The following NAA11 variants were observed in gnomAD, a reference collection of about 807,000 sequenced individuals.
The protein encoded by NAA11 is N-alpha-acetyltransferase 11.
A neutral mutation model predicts 16.1 loss-of-function variants in NAA11; 15 were observed. The ratio of observed to expected loss-of-function variants is 0.93; its 90% CI spans 0.62 to 1.44. The LOEUF (loss-of-function observed/expected upper bound fraction) is 1.44. NAA11 is among the 40% of genes most tolerant of loss of function. The pLI is 0.00. For missense variants in NAA11, 298 were observed against 291.3 expected (o/e 1.02, Z -0.17); for synonymous variants, 122 against 112.4 (o/e 1.09, Z -0.54).
At chr4:79,323,144 CTATT>C (rs1001465208) in intron 1 of NAA11, among the ~76,000 whole-genome samples, 1 of 152,062 alleles carries the variant, frequency 6.6e-6, no homozygotes, top group African/African-American at 2.4e-5. Flanking sequence ...ACAGAATACA[CTATT>C]TATGACTAGA....
chr4:79,270,353 C>T (rs1560437984), intron 2 of NAA11, among the ~76,000 whole-genome samples: 1 of 151,860 alleles, frequency 6.6e-6, no homozygotes, highest in Non-Finnish European at 1.5e-5. Flanking sequence ...CTTAATAGAC[C>T]AATAACAGGA....
chr4:79,210,757 C>A, the NAA11 span, among the ~76,000 whole-genome samples: 1 of 151,452 alleles, frequency 6.6e-6, no homozygotes, highest in African/African-American at 2.4e-5. Flanking sequence ...GACTCCGTCT[C>A]AAAAAAAGAA....
intron 1 of NAA11, among the ~76,000 whole-genome samples, chr4:79,302,727 ATTGT>A (rs1237769616): frequency 6.6e-6 from 1 of 152,154 alleles, no homozygotes; most frequent in African/African-American, 2.4e-5. Context: ...TAAAGAAGAA[ATTGT>A]TTGCTTGCCA....
At chr4:79,311,536 G>A (rs752797315) in intron 1 of NAA11, among the ~76,000 whole-genome samples, 2 of 152,022 alleles carry the variant, frequency 1.3e-5, no homozygotes, top group African/African-American at 2.4e-5. Flanking sequence ...ATTTCATGGC[G>A]CTCCTATTAG....
the NAA11 span, among the ~76,000 whole-genome samples, chr4:79,159,459 A>G: frequency 6.6e-6 from 1 of 152,220 alleles, no homozygotes; most frequent in Admixed American, 6.5e-5. Flanking sequence ...ATGCAGTGAA[A>G]AAGGACATTT....
At chr4:79,259,148 C>T (rs1281247720) in intron 2 of NAA11, 1 of 152,962 alleles carries the variant, frequency 6.5e-6, no homozygotes, top group Admixed American at 6.5e-5. Flanking sequence ...GTATGCAGGA[C>T]AAGAACTCAG....
chr4:79,274,114 C>T (rs1201899871), intron 2 of NAA11, among the ~76,000 whole-genome samples: 1 of 152,036 alleles, frequency 6.6e-6, no homozygotes, highest in Non-Finnish European at 1.5e-5. Context: ...GTCTGGAGCT[C>T]TTGTGAATTA....
At chr4:79,233,415 A>AT (rs562743063) in intron 2 of NAA11, among the ~76,000 whole-genome samples, 1 of 151,762 alleles carries the variant, frequency 6.6e-6, no homozygotes, top group African/African-American at 2.4e-5. Context: ...TATTTTACTC[A>AT]TTTTTTTAAA....
intron 2 of NAA11, among the ~76,000 whole-genome samples, chr4:79,290,891 T>G (rs1161794183): frequency 6.6e-6 from 1 of 152,222 alleles, no homozygotes; most frequent in Non-Finnish European, 1.5e-5. Flanking sequence ...TTCTTTTCTC[T>G]GAATGTAAAT....
intron 2 of NAA11, among the ~76,000 whole-genome samples, chr4:79,240,138 C>G (rs541558927): frequency 2.6e-5 from 4 of 152,198 alleles, no homozygotes; most frequent in African/African-American, 9.7e-5. Context: ...CTTCTGCCAG[C>G]ATTGAACTCA....
the NAA11 span, among the ~76,000 whole-genome samples, chr4:79,162,810 T>G: frequency 6.6e-6 from 1 of 152,204 alleles, no homozygotes; most frequent in Non-Finnish European, 1.5e-5. Context: ...GCTGGAATAC[T>G]GTAAAATGTA....
the NAA11 span, among the ~76,000 whole-genome samples, chr4:79,180,024 TG>T: frequency 1.3e-5 from 2 of 152,116 alleles, no homozygotes; most frequent in African/African-American, 4.8e-5. Context: ...GAAAACAGCA[TG>T]GGGGAAACTG....
At chr4:79,249,301 A>T (rs1239604422) in intron 2 of NAA11, among the ~76,000 whole-genome samples, 1 of 152,266 alleles carries the variant, frequency 6.6e-6, no homozygotes, top group African/African-American at 2.4e-5. Context: ...AATTCAGAAT[A>T]TGGATAGGAA....
At chr4:79,257,064 A>G (rs1294948556) in intron 2 of NAA11, among the ~76,000 whole-genome samples, 1 of 152,144 alleles carries the variant, frequency 6.6e-6, no homozygotes. Flanking sequence ...CATGTAATCA[A>G]TGTAAAGTTG....
At chr4:79,219,244 A>C in the NAA11 span, among the ~76,000 whole-genome samples, 635 of 152,244 alleles carry the variant, frequency 4.2e-3, 3 homozygotes, top group Non-Finnish European at 6.6e-3. Flanking sequence ...ATGAGGGTTA[A>C]ATGAAGAGTA....
At chr4:79,186,674 G>T in the NAA11 span, among the ~76,000 whole-genome samples, 13 of 152,136 alleles carry the variant, frequency 8.5e-5, no homozygotes, top group East Asian at 2.5e-3. Flanking sequence ...AGACACTAAT[G>T]ATAAGAAAGA....
At chr4:79,246,342 TCTC>T (rs1304464960) in intron 2 of NAA11, among the ~76,000 whole-genome samples, 1 of 116,956 alleles carries the variant, frequency 8.6e-6, no homozygotes, top group African/African-American at 3.4e-5. Flanking sequence ...CAAATCCCTC[TCTC>T]CGAGAAACAC....
At position 79,271,402 on chromosome 4, in the gene NAA11, A is replaced by ATTTC. The variant is rs1400474442; in HGVS notation, c.*122+22602_*122+22603insGAAA. Among the ~76,000 whole-genome samples the ATTTC allele has an allele frequency of 1.4e-3, 214 of 151,860 alleles. 2 individuals carry two copies. The highest frequency in any genetic ancestry group is 3.8e-3 in the Admixed American group (58 of 15,226). On this transcript the variant is annotated intron_variant and NMD_transcript_variant, in intron 2 of 2. Transcript: ENST00000511542. ...AGAGGATACAAACAAATGGAAGAAC[A>ATTTC]TTCCATGCTCATGGGTAGGAAGAAT... is the stretch of plus-strand genomic sequence containing the variant.
At chr4:79,287,116 T>C (rs989837118) in intron 2 of NAA11, among the ~76,000 whole-genome samples, 14 of 152,144 alleles carry the variant, frequency 9.2e-5, no homozygotes, top group Non-Finnish European at 1.8e-4. Context: ...TGTTAGTGAA[T>C]TCAATATAAT....
Sources: gnomAD v4.1 joint callset for allele counts (sites outside exome capture counted in the v4.1 genomes callset) on GRCh38, gnomAD v4.1.1 for gene constraint, MANE v1.5 for transcripts, NCBI Gene and HGNC (gene_info 2026-07-23, HGNC 2026-07-21) for gene names.